The following CTNNA2 variants were observed in gnomAD, a reference collection of about 807,000 sequenced individuals.
The protein encoded by CTNNA2 is catenin alpha-2.
CTNNA2 carries 42 observed loss-of-function variants against 101.0 expected under a neutral mutation model. The observed-to-expected ratio is 0.42, with a 90% confidence interval of 0.32 to 0.54. The LOEUF is 0.54. CTNNA2 is among the 20% of genes least tolerant of loss of function. CTNNA2 has a pLI of 0.14. For missense variants in CTNNA2, 871 were observed against 1,223.1 expected, an observed-to-expected ratio of 0.71 and a Z score of 4.29; for synonymous variants, 450 against 456.4, an observed-to-expected ratio of 0.99 and a Z score of 0.18.
At position 79,939,050 on chromosome 2, in the gene CTNNA2, G is replaced by C. The variant is rs555296709; in HGVS notation, c.1056+29253G>C. Among the ~76,000 whole-genome samples, 9 of 152,296 alleles carry C rather than the reference G, an allele frequency of 5.9e-5. No homozygotes were observed. The East Asian group carries it at 1.5e-3, about 26-fold the overall frequency. On this transcript the variant is annotated intron_variant, in intron 7 of 18. Coordinates refer to ENST00000402739, the MANE Select transcript of CTNNA2 (RefSeq NM_001282597.3). ...CATAATCATGTTACCTGGAGCCATG[G>C]AAAAACAGAGGCCTGACTTGAACTC... is the stretch of plus-strand genomic sequence containing the variant.
At chr2:79,968,501 T>C (rs1440106549) in intron 7 of CTNNA2, among the ~76,000 whole-genome samples, 1 of 152,100 alleles carries the variant, frequency 6.6e-6, no homozygotes, top group Non-Finnish European at 1.5e-5. Context: ...GTAGCAATAG[T>C]CTCCGTGGTC....
chr2:79,667,941 A>C (rs1290865336), intron 2 of CTNNA2, among the ~76,000 whole-genome samples: 2 of 152,174 alleles, frequency 1.3e-5, no homozygotes, highest in Non-Finnish European at 2.9e-5. Flanking sequence ...ACTGAAATTC[A>C]TACTAGTAAA....
chr2:79,894,873 A>G (rs1202869952), intron 6 of CTNNA2, among the ~76,000 whole-genome samples: 1 of 152,244 alleles, frequency 6.6e-6, no homozygotes, highest in Non-Finnish European at 1.5e-5. Flanking sequence ...AAGACATTAA[A>G]GAAATATTTG....
intron 7 of CTNNA2, among the ~76,000 whole-genome samples, chr2:80,010,702 G>A (rs1246352891): frequency 8.1e-6 from 1 of 123,784 alleles, no homozygotes; most frequent in African/African-American, 2.6e-5. Context: ...AGTAATTGTG[G>A]TTTTTGCCAT....
At chr2:79,778,163 G>A (rs890571285) in intron 3 of CTNNA2, among the ~76,000 whole-genome samples, 17 of 151,828 alleles carry the variant, frequency 1.1e-4, no homozygotes, top group African/African-American at 4.1e-4. Flanking sequence ...GCAACATGGT[G>A]AAACCCTGTC....
chr2:79,323,124 A>C (rs1159578880), intron 3 of CTNNA2, among the ~76,000 whole-genome samples: 1 of 152,124 alleles, frequency 6.6e-6, no homozygotes, highest in African/African-American at 2.4e-5. Context: ...AGGCTCTTCC[A>C]TGTTTCATGT....
At position 79,874,071 on chromosome 2, in the gene CTNNA2, C is replaced by T; in HGVS notation, c.586-5C>T. The T allele has an allele frequency of 6.2e-7, 1 of 1,613,932 alleles. No individual in the cohort carries two copies. Among genetic ancestry groups the T allele is most frequent in the Non-Finnish European group, 8.5e-7 (1 of 1,179,926 alleles). On this transcript the variant is annotated splice_region_variant and splice_polypyrimidine_tract_variant and intron_variant, in intron 5 of 18. Coordinates refer to ENST00000402739, the MANE Select transcript of CTNNA2 (RefSeq NM_001282597.3). The stretch of plus-strand genomic sequence containing the variant: ...TGTGACAGCTTTCATGTGTTACACA[C>T]ACAGGAGCTGAAGGATCCTCACTGT...
At chr2:79,538,947 A>T (rs1268081704) in intron 1 of CTNNA2, among the ~76,000 whole-genome samples, 2 of 152,230 alleles carry the variant, frequency 1.3e-5, no homozygotes, top group African/African-American at 4.8e-5. Context: ...TGAAGACCTG[A>T]ACGAGGGCAG....
intron 2 of CTNNA2, among the ~76,000 whole-genome samples, chr2:79,307,026 A>G (rs1676263825): frequency 6.6e-6 from 1 of 152,266 alleles, no homozygotes; most frequent in South Asian, 2.1e-4. Flanking sequence ...TTTTTTAGTC[A>G]TACATATGAT....
chr2:80,589,615 C>T, intron 15 of CTNNA2, 130 bp downstream of exon 15: 1 of 813,620 alleles, frequency 1.2e-6, no homozygotes, highest in East Asian at 2.8e-5. Context: ...TATAAATTTA[C>T]ATGTATAAGT....
At chr2:79,942,106 C>T (rs191964464) in intron 7 of CTNNA2, among the ~76,000 whole-genome samples, 141 of 152,202 alleles carry the variant, frequency 9.3e-4, no homozygotes, top group African/African-American at 3.3e-3. Context: ...TAATCATCAC[C>T]CCAACAGGAT....
At chr2:79,737,379 C>G (rs1670973029) in intron 2 of CTNNA2, among the ~76,000 whole-genome samples, 1 of 150,722 alleles carries the variant, frequency 6.6e-6, no homozygotes, top group South Asian at 2.1e-4. Context: ...ACTGCTTTGT[C>G]TTTCACTTTT....
chr2:79,217,481 G>T (rs1173152305), intron 2 of CTNNA2, among the ~76,000 whole-genome samples: 1 of 152,088 alleles, frequency 6.6e-6, no homozygotes, highest in Non-Finnish European at 1.5e-5. Flanking sequence ...AGTCAAAGGG[G>T]GGTTCTCTGG....
intron 2 of CTNNA2, among the ~76,000 whole-genome samples, chr2:79,691,911 A>G (rs1013052854): frequency 6.6e-6 from 1 of 152,212 alleles, no homozygotes; most frequent in African/African-American, 2.4e-5. Context: ...ACCTAAAACC[A>G]TAAAAACCCT....
chr2:79,736,112 C>G (rs541259040), intron 2 of CTNNA2, among the ~76,000 whole-genome samples: 1 of 152,100 alleles, frequency 6.6e-6, no homozygotes, highest in Non-Finnish European at 1.5e-5. Context: ...TTTAATGAAG[C>G]TGAAATAAGT....
At chr2:80,554,765 G>A (rs1692878860) in intron 11 of CTNNA2, among the ~76,000 whole-genome samples, 1 of 152,176 alleles carries the variant, frequency 6.6e-6, no homozygotes, top group African/African-American at 2.4e-5. Flanking sequence ...TGGTGTGTGT[G>A]CATGTATGTG....
Position 80,097,533 on chromosome 2 carries a change from C to A in CTNNA2, c.1056+187736C>A, listed in dbSNP as rs867986760. 6.6e-5 allele frequency among the ~76,000 whole-genome samples: 10 copies of A among 152,146 alleles called. 1 individual carries two copies. Among genetic ancestry groups the A allele is most frequent in the African/African-American group, 2.4e-4 (10 of 41,504 alleles). The stretch of plus-strand genomic sequence containing the variant: ...ATCTTTGTGGCGTTCTCTGTATTTC[C>A]TGAATTTGAATGTTGGCCTGCCTTC... On this transcript the variant is annotated intron_variant, in intron 7 of 18. Coordinates refer to ENST00000402739, the MANE Select transcript of CTNNA2 (RefSeq NM_001282597.3).
intron 15 of CTNNA2, among the ~76,000 whole-genome samples, chr2:80,596,283 T>G (rs1460620295): frequency 7.9e-5 from 2 of 25,200 alleles, no homozygotes; most frequent in African/African-American, 5.8e-4. Flanking sequence ...AAGGTTGTTT[T>G]TTTTTTTTTT....
exon 5 of CTNNA2, chr2:79,505,106 C>G (rs1671383435): frequency 6.6e-6 from 1 of 152,408 alleles, no homozygotes; most frequent in Non-Finnish European, 1.5e-5. Flanking sequence ...TGCAACAGTA[C>G]CCCCTCTCCA....
Sources: allele counts gnomAD v4.1 joint callset (sites outside exome capture counted in the v4.1 genomes callset), GRCh38; gene constraint gnomAD v4.1.1; transcripts MANE v1.5; gene names NCBI Gene and HGNC (gene_info 2026-07-23, HGNC 2026-07-21).